Variants in DCAF10 observed in about 807,000 individuals in gnomAD.
The protein encoded by DCAF10 is DDB1- and CUL4-associated factor 10.
DCAF10 carries 19 observed loss-of-function variants against 51.9 expected under a neutral mutation model. That is an observed-to-expected ratio of 0.37 (90% CI 0.26 to 0.54). The LOEUF is 0.54. Among genes scored for constraint, DCAF10 ranks in the 20% least tolerant of loss-of-function variants. DCAF10 has a pLI of 0.87. For missense variants in DCAF10, 510 were observed against 730.6 expected, an observed-to-expected ratio of 0.70 and a Z score of 3.48; for synonymous variants, 291 against 297.1, an observed-to-expected ratio of 0.98 and a Z score of 0.21.
intron 3 of DCAF10, among the ~76,000 whole-genome samples, chr9:37,849,775 GA>G (rs2118101406): frequency 6.6e-6 from 1 of 152,252 alleles, no homozygotes. Flanking sequence ...AGCTACTCAG[GA>G]GGCTGAGGAA....
chr9:37,845,552 A>G (rs1255685260), intron 3 of DCAF10, among the ~76,000 whole-genome samples: 1 of 152,246 alleles, frequency 6.6e-6, no homozygotes. Context: ...TAGGACTAAT[A>G]TTTAGCCAAT....
Position 37,866,958 on chromosome 9 carries a change from C to T in DCAF10, c.*5450C>T, listed in dbSNP as rs1377567325. 1 of 152,140 alleles carries T rather than the reference C, an allele frequency of 6.6e-6. No individual in the cohort carries two copies. The highest frequency in any genetic ancestry group is 1.5e-5 in the Non-Finnish European group (1 of 68,018). The allele number at this position is 152,140 out of a possible 1,614,324, so 9.4% of individuals were successfully genotyped here. On this transcript the variant is annotated 3_prime_UTR_variant, in exon 7 of 7. Transcript: ENST00000377724. ...GATGCCATTAAACTTTGTCAATAAC[C>T]ATTAAAACATAGGCTTAAATTATCA...
At chr9:37,859,330 T>TC (rs1830944589) in intron 5 of DCAF10, among the ~76,000 whole-genome samples, 1 of 152,230 alleles carries the variant, frequency 6.6e-6, no homozygotes, top group Non-Finnish European at 1.5e-5. Context: ...GTTGCTTCCT[T>TC]ACAGTGTCTA....
chr9:37,854,823 C>T lies in DCAF10; in HGVS notation c.895C>T (p.Arg299Cys). ...GCPHKKFFHT[R>C]FLMRMRLTPD... ...TCCACATAAGAAATTCTTTCACACA[C>T]GTTTTCTCATGCGAATGAGGTTAAC... The change falls in exon 4 of 7, where the codon CGT becomes TGT. Residue 299 changes from arginine to cysteine, a missense_variant. Physicochemically the swap from Arg to Cys is radical, Grantham distance 180. Around this residue, in one of 4 missense-constraint regions of DCAF10, gnomAD observed 126 missense variants for 271.5 expected, o/e 0.46. Transcript: ENST00000377724. The T allele has an allele frequency of 6.2e-7, 1 of 1,613,986 alleles. No individual in the cohort carries two copies.
intron 1 of DCAF10, among the ~76,000 whole-genome samples, chr9:37,818,585 A>G (rs944149027): frequency 6.6e-6 from 1 of 152,226 alleles, no homozygotes; most frequent in African/African-American, 2.4e-5. Flanking sequence ...GGCCTGAAAC[A>G]AGAGACAAAC....
chr9:37,850,719 G>T (rs1032711675), intron 3 of DCAF10, among the ~76,000 whole-genome samples: 2 of 150,522 alleles, frequency 1.3e-5, no homozygotes. Context: ...ACAACATGAT[G>T]ACCACTGTTA....
intron 2 of DCAF10, among the ~76,000 whole-genome samples, chr9:37,827,674 G>A: frequency 6.6e-6 from 1 of 152,130 alleles, no homozygotes; most frequent in Non-Finnish European, 1.5e-5. Flanking sequence ...GCCAAGTGCT[G>A]GTGACCTTGA....
At chr9:37,853,814 A>C (rs1830765263) in intron 3 of DCAF10, among the ~76,000 whole-genome samples, 1 of 151,894 alleles carries the variant, frequency 6.6e-6, no homozygotes, top group African/African-American at 2.4e-5. Context: ...ATCTGTCCTC[A>C]CGCCTCAGCC....
intron 3 of DCAF10, among the ~76,000 whole-genome samples, chr9:37,850,545 T>C (rs1243110818): frequency 1.3e-5 from 2 of 151,852 alleles, no homozygotes; most frequent in Non-Finnish European, 2.9e-5. Flanking sequence ...CAAATATCAC[T>C]TACATGTAGA....
chr9:37,853,152 CAA>C (rs557423413), intron 3 of DCAF10, among the ~76,000 whole-genome samples: 30 of 80,846 alleles, frequency 3.7e-4, no homozygotes, highest in Admixed American at 5.6e-4. Context: ...AACTCCGTCT[CAA>C]AAAAAAAAAA....
In DCAF10 at chr9:37,854,791, A is replaced by G; in HGVS notation, c.863A>G (p.Asp288Gly). The G allele has an allele frequency of 6.2e-7, 1 of 1,613,930 alleles. No individual in the cohort carries two copies. The change falls in exon 4 of 7, where the codon GAT becomes GGT. Residue 288 changes from aspartate (D) to glycine (G), a missense_variant. Coordinates refer to ENST00000377724, the MANE Select transcript of DCAF10 (RefSeq NM_024345.5). Reference protein sequence around the residue: ...IIWDTNRYTEDGCPHKKFFHT... With the variant: ...IIWDTNRYTEGGCPHKKFFHT... Reference sequence around the variant, plus strand: ...GGTTTCTCCTGTAGGTATACAGAAGATGGGTGTCCACATAAGAAATTCTTT... The same window carrying G: ...GGTTTCTCCTGTAGGTATACAGAAGGTGGGTGTCCACATAAGAAATTCTTT...
Position 37,861,598 on chromosome 9 carries a change from T to G in DCAF10, c.*90T>G. ...GAAGTATTTTCTTTTTAGAAGATCT[T>G]ATAAGTTTGGGTCAAGATCCTGGTT... is the stretch of plus-strand genomic sequence containing the variant. On this transcript the variant is annotated 3_prime_UTR_variant, in exon 7 of 7. Transcript: ENST00000377724. This position sits in a 1 kb window ranked among gnomAD's most constrained non-coding sequence, Gnocchi z 4.9. 1.3e-6 allele frequency: 2 copies of G among 1,512,418 alleles called. No homozygotes were observed. Among genetic ancestry groups the G allele is most frequent in the Non-Finnish European group, 1.8e-6 (2 of 1,133,486 alleles). The allele number at this position is 1,512,418 out of a possible 1,614,324, so 93.7% of individuals were successfully genotyped here.
rs1299021206 is a variant in DCAF10, at chr9:37,840,903, T to TA, written c.654-1185dup. Among the ~76,000 whole-genome samples the TA allele has an allele frequency of 2.0e-5, 3 of 147,284 alleles. No individual in the cohort carries two copies. In the East Asian group the frequency reaches 5.8e-4, roughly 29 times the overall value. On this transcript the variant is annotated intron_variant, in intron 2 of 6. Coordinates refer to ENST00000377724, the MANE Select transcript of DCAF10 (RefSeq NM_024345.5). ...TTCTATCTTTCAATATACAAATACT[T>TA]ACGATTGTGTTACAGTTGCCTACAG...
intron 3 of DCAF10, among the ~76,000 whole-genome samples, chr9:37,847,556 C>T (rs985883140): frequency 1.3e-5 from 2 of 152,224 alleles, no homozygotes; most frequent in African/African-American, 4.8e-5. Context: ...AGCTAAGAAT[C>T]TTGCTTAACA....
intron 1 of DCAF10, among the ~76,000 whole-genome samples, chr9:37,810,727 G>T (rs1402884998): frequency 1.3e-5 from 2 of 152,150 alleles, no homozygotes; most frequent in Non-Finnish European, 2.9e-5. Flanking sequence ...CTCCCAAAGT[G>T]CTGGGATTAC....
In DCAF10 at chr9:37,829,889, C is replaced by T. The variant is rs554961684; in HGVS notation, c.653+10488C>T. Among the ~76,000 whole-genome samples the T allele has an allele frequency of 5.7e-4, 86 of 152,072 alleles. No individual in the cohort carries two copies. The highest frequency in any genetic ancestry group is 2.0e-3 in the African/African-American group (81 of 41,484). On this transcript the variant is annotated intron_variant, in intron 2 of 6. Coordinates refer to ENST00000377724, the MANE Select transcript of DCAF10 (RefSeq NM_024345.5). This position sits in a 1 kb window ranked among gnomAD's most constrained non-coding sequence, Gnocchi z 4.2. Reference sequence around the variant, plus strand: ...AGGTGTAGTTGCACGTGCCTATAGTCCCAGCTACTTAGAAAGCTTAGGAGG... The same window carrying T: ...AGGTGTAGTTGCACGTGCCTATAGTTCCAGCTACTTAGAAAGCTTAGGAGG...
At chr9:37,839,683 C>G (rs990135695) in intron 2 of DCAF10, among the ~76,000 whole-genome samples, 2 of 152,202 alleles carry the variant, frequency 1.3e-5, no homozygotes, top group African/African-American at 4.8e-5. Context: ...GCTCACATGC[C>G]TGTGTATCTT....
chr9:37,860,445 C>T, intron 6 of DCAF10: 1 of 362,102 alleles, frequency 2.8e-6, no homozygotes. Flanking sequence ...CCAGCATCAG[C>T]TCAGTTTTTG....
chr9:37,800,852 G>C lies in DCAF10; in HGVS notation c.-15G>C. 1.3e-6 allele frequency: 2 copies of C among 1,486,914 alleles called. No homozygotes were observed. Among genetic ancestry groups the C allele is most frequent in the African/African-American group, 2.8e-5 (2 of 71,566 alleles). 92.1% of individuals were successfully genotyped at this position (1,486,914 alleles called of 1,614,324 possible). A position where few individuals can be genotyped will look rare whatever the true frequency, so the allele number is the denominator to read the frequency against. On this transcript the variant is annotated 5_prime_UTR_variant, in exon 1 of 7. Coordinates refer to ENST00000377724, the MANE Select transcript of DCAF10 (RefSeq NM_024345.5). ...GCGGGGCAGTGGCCCGGAGCGGGGG[G>C]CGGGGGCGTTGATCATGTTTCCCTT...
Sources: gnomAD v4.1 joint callset for allele counts (sites outside exome capture counted in the v4.1 genomes callset) on GRCh38, gnomAD v4.1.1 for gene constraint, gnomAD v4.1.1 regional missense constraint, Gnocchi (gnomAD v3.1) non-coding constraint, MANE v1.5 for transcripts, NCBI Gene and HGNC (gene_info 2026-07-23, HGNC 2026-07-21) for gene names.